The following SLC39A14 variants were observed in gnomAD, a reference collection of about 807,000 sequenced individuals.
The protein encoded by SLC39A14 is solute carrier family 39 member 14.
A neutral mutation model predicts 45.5 loss-of-function variants in SLC39A14; 19 were observed. The ratio of observed to expected loss-of-function variants is 0.42; its 90% CI spans 0.29 to 0.61. SLC39A14 has a LOEUF of 0.61. Among genes scored for constraint, SLC39A14 ranks in the 20% least tolerant of loss-of-function variants. The pLI is 0.22. For missense variants in SLC39A14, 447 were observed against 616.5 expected (o/e 0.73, Z 2.91); for synonymous variants, 264 against 251.3 (o/e 1.05, Z -0.48).
intron 8 of SLC39A14, among the ~76,000 whole-genome samples, chr8:22,429,215 T>G (rs1197338844): frequency 6.6e-6 from 1 of 152,072 alleles, no homozygotes; most frequent in East Asian, 1.9e-4. Flanking sequence ...GAGCTTGCAG[T>G]GAGCCAAGAT....
intron 7 of SLC39A14, among the ~76,000 whole-genome samples, chr8:22,416,725 G>A (rs533360618): frequency 1.2e-4 from 19 of 152,068 alleles, no homozygotes; most frequent in East Asian, 1.2e-3. Flanking sequence ...TTGAGCCACC[G>A]AACGTGGCCT....
chr8:22,409,385 T>G (rs1188008447), intron 3 of SLC39A14, among the ~76,000 whole-genome samples: 3 of 141,510 alleles, frequency 2.1e-5, no homozygotes, highest in Non-Finnish European at 4.7e-5. Flanking sequence ...TTTGTTTTTT[T>G]TGTTTGTTTG....
intron 1 of SLC39A14, among the ~76,000 whole-genome samples, chr8:22,396,824 T>G (rs1437708262): frequency 6.6e-6 from 1 of 152,010 alleles, no homozygotes; most frequent in African/African-American, 2.4e-5. Context: ...TCTGCCCTTG[T>G]CATTCATTTG....
At position 22,419,763 on chromosome 8, in the gene SLC39A14, A is replaced by G; in HGVS notation, c.*65A>G. ...GGGCTGCCCGATCGCCAGCCCGAGG[A>G]CTTACCATCCACAATGCACCACGGA... On this transcript the variant is annotated 3_prime_UTR_variant, in exon 9 of 9. Transcript: ENST00000381237. 3.3e-6 allele frequency: 5 copies of G among 1,509,840 alleles called. No homozygotes were observed. In the South Asian group the frequency reaches 6.7e-5, roughly 20 times the overall value. 93.5% of individuals were successfully genotyped at this position (1,509,840 alleles called of 1,614,324 possible).
chr8:22,400,902 G>A (rs1295134143), intron 1 of SLC39A14, among the ~76,000 whole-genome samples: 2 of 152,230 alleles, frequency 1.3e-5, no homozygotes, highest in Non-Finnish European at 2.9e-5. Flanking sequence ...TGATTTATAA[G>A]TCTTATAATT....
At chr8:22,426,492 C>A (rs962402853), downstream of SLC39A14, among the ~76,000 whole-genome samples, 9 of 152,152 alleles carry the variant, frequency 5.9e-5, no homozygotes, top group African/African-American at 2.2e-4. Context: ...TGCACCCAGA[C>A]TCTCTAGATG....
chr8:22,415,648 G>A (rs1470378904), intron 5 of SLC39A14, 121 bp from the exon 6 acceptor site: 2 of 897,506 alleles, frequency 2.2e-6, no homozygotes, highest in Admixed American at 3.0e-5. Flanking sequence ...ACCTGCTTGT[G>A]TCATCTTCGA....
At chr8:22,407,339 C>T (rs1230644863) in intron 2 of SLC39A14, among the ~76,000 whole-genome samples, 1 of 152,138 alleles carries the variant, frequency 6.6e-6, no homozygotes, top group African/African-American at 2.4e-5. Flanking sequence ...TCTTCAGGCA[C>T]ACACACAGAA....
At chr8:22,381,097 C>T (rs955117830) in intron 1 of SLC39A14, among the ~76,000 whole-genome samples, 11 of 152,080 alleles carry the variant, frequency 7.2e-5, no homozygotes, top group Admixed American at 6.6e-4. Flanking sequence ...CCTCAGCCTC[C>T]GAAGTAGCTG....
At chr8:22,369,179 G>T (rs1832803209) in intron 1 of SLC39A14, among the ~76,000 whole-genome samples, 1 of 152,144 alleles carries the variant, frequency 6.6e-6, no homozygotes, top group Non-Finnish European at 1.5e-5. Context: ...GTGGAAGGGG[G>T]TCCTCTGGAT....
At chr8:22,412,245 C>A in intron 4 of SLC39A14, 39 bp downstream of exon 4, 1 of 1,543,788 alleles carries the variant, frequency 6.5e-7, no homozygotes, top group South Asian at 1.2e-5. Context: ...AGCATGCCGG[C>A]GGGCACAGTG....
In SLC39A14 at chr8:22,387,212, T is replaced by G. The variant is rs1008434922; in HGVS notation, c.-15-17484T>G. Reference sequence around the variant, plus strand: ...GGCAGTAGTTATTAAAAACTTGGAGTGTCCAGTTGGTGTTAAAGTCGTGAT... The same window carrying G: ...GGCAGTAGTTATTAAAAACTTGGAGGGTCCAGTTGGTGTTAAAGTCGTGAT... On this transcript the variant is annotated intron_variant, in intron 1 of 8. Transcript: ENST00000381237. 3.3e-5 allele frequency among the ~76,000 whole-genome samples: 5 copies of G among 150,150 alleles called. No homozygotes were observed. In the East Asian group the frequency reaches 9.8e-4, roughly 29 times the overall value.
chr8:22,411,921 C>G, intron 3 of SLC39A14, 116 bp from the exon 4 acceptor site: 1 of 962,556 alleles, frequency 1.0e-6, no homozygotes, highest in Non-Finnish European at 1.5e-6. Flanking sequence ...CAAACTTTTC[C>G]TTGCGACCTC....
chr8:22,391,810 C>T (rs1210208203), intron 1 of SLC39A14, among the ~76,000 whole-genome samples: 1 of 152,142 alleles, frequency 6.6e-6, no homozygotes, highest in South Asian at 2.1e-4. Context: ...CCTCGTGATC[C>T]GCCTGCCTTG....
At chr8:22,385,887 G>A (rs1833765094) in intron 1 of SLC39A14, among the ~76,000 whole-genome samples, 1 of 152,146 alleles carries the variant, frequency 6.6e-6, no homozygotes, top group African/African-American at 2.4e-5. Flanking sequence ...CATATACTGG[G>A]AAGACATTGG....
At chr8:22,427,147 C>T (rs1836400888), downstream of SLC39A14, among the ~76,000 whole-genome samples, 1 of 151,936 alleles carries the variant, frequency 6.6e-6, no homozygotes, top group Non-Finnish European at 1.5e-5. Flanking sequence ...ACAAAATTAG[C>T]CGGGTGTGGT....
At chr8:22,431,066 C>T (rs1331716679) in intron 8 of SLC39A14, among the ~76,000 whole-genome samples, 2 of 151,410 alleles carry the variant, frequency 1.3e-5, no homozygotes, top group Non-Finnish European at 2.9e-5. Context: ...CAGCTCATTG[C>T]AACCTCTGCC....
At chr8:22,408,532 A>G (rs749258460) in intron 3 of SLC39A14, 36 bp downstream of exon 3, 55 of 1,585,096 alleles carry the variant, frequency 3.5e-5, no homozygotes, top group Non-Finnish European at 4.7e-5. Context: ...CCCATCTCCC[A>G]TCTCGCCCGC....
At chr8:22,379,306 G>A (rs1452747995) in intron 1 of SLC39A14, 1 of 152,234 alleles carries the variant, frequency 6.6e-6, no homozygotes, top group East Asian at 1.9e-4. Flanking sequence ...TGAGATTTCA[G>A]GTGGACAGTT....
Sources: allele counts gnomAD v4.1 joint callset (sites outside exome capture counted in the v4.1 genomes callset), GRCh38; gene constraint gnomAD v4.1.1; transcripts MANE v1.5; gene names NCBI Gene and HGNC (gene_info 2026-07-23, HGNC 2026-07-21).